The following PICALM variants were observed in gnomAD, a reference collection of about 807,000 sequenced individuals.
PICALM encodes phosphatidylinositol-binding clathrin assembly protein.
Under a neutral mutation model 80.5 loss-of-function variants are expected in PICALM, and 40 were observed. The observed-to-expected ratio is 0.50, with a 90% CI of 0.39 to 0.65. The LOEUF (loss-of-function observed/expected upper bound fraction) is 0.65. PICALM is among the 30% of genes least tolerant of loss of function. PICALM has a pLI of 0.00. For synonymous variants in PICALM, 288 were observed against 260.3 expected (o/e 1.11, Z -1.02); for missense variants, 676 against 778.9 (o/e 0.87, Z 1.57).
chr11:86,055,162 T>C (rs1206933452), intron 1 of PICALM, among the ~76,000 whole-genome samples: 1 of 151,772 alleles, frequency 6.6e-6, no homozygotes, highest in Non-Finnish European at 1.5e-5. Context: ...GAAACCCCCG[T>C]CTCTACTAAA....
intron 19 of PICALM, 56 bp from the exon 20 acceptor site, chr11:85,959,116 A>C: frequency 7.9e-7 from 1 of 1,262,888 alleles, no homozygotes; most frequent in Non-Finnish European, 1.1e-6. Context: ...TCTTCTCATA[A>C]ATAAAAATGC....
intron 19 of PICALM, among the ~76,000 whole-genome samples, chr11:85,969,200 C>T (rs908889046): frequency 3.3e-5 from 5 of 152,122 alleles, no homozygotes; most frequent in African/African-American, 1.2e-4. Flanking sequence ...ACACAACACA[C>T]TGGAATGTCT....
At chr11:86,012,705 T>C (rs945550397) in intron 5 of PICALM, among the ~76,000 whole-genome samples, 6 of 152,086 alleles carry the variant, frequency 3.9e-5, no homozygotes, top group African/African-American at 1.4e-4. Context: ...TAAGTTCTTT[T>C]TTAGCACATG....
chr11:85,960,611 G>A, intron 19 of PICALM: 1 of 653,412 alleles, frequency 1.5e-6, no homozygotes. Context: ...CGTGAATTGT[G>A]TTTAATGTTT....
upstream of PICALM, chr11:86,069,650 C>T (rs1322494432): frequency 6.6e-6 from 1 of 152,250 alleles, no homozygotes; most frequent in East Asian, 1.9e-4. Flanking sequence ...TTCCAAACGG[C>T]CTATTTTCTG....
intron 2 of PICALM, among the ~76,000 whole-genome samples, chr11:86,028,909 C>T (rs1014369008): frequency 4.6e-5 from 7 of 150,606 alleles, no homozygotes; most frequent in Non-Finnish European, 1.0e-4. Flanking sequence ...TGTCATCTCG[C>T]TCACTGCAAC....
At chr11:86,045,467 A>C (rs1249115368) in intron 1 of PICALM, among the ~76,000 whole-genome samples, 2 of 145,748 alleles carry the variant, frequency 1.4e-5, no homozygotes, top group Non-Finnish European at 3.0e-5. Context: ...ACAACTGTGA[A>C]TAGCCACTGA....
At position 85,989,513 on chromosome 11, in the gene PICALM, G is replaced by A. The variant is rs577520998; in HGVS notation, c.1408+737C>T. Among the ~76,000 whole-genome samples, 3 of 152,202 alleles carry A rather than the reference G, an allele frequency of 2.0e-5. No homozygotes were observed. The South Asian group carries it at 6.2e-4, about 32-fold the overall frequency. ...CAAAAGAAATTTCATCATCTTTGGG[G>A]CTGAGGGGGAGCAGAGTTAGCATCT... On this transcript the variant is annotated intron_variant, in intron 13 of 19. Coordinates refer to ENST00000393346, the MANE Select transcript of PICALM (RefSeq NM_007166.4).
intron 17 of PICALM, among the ~76,000 whole-genome samples, chr11:85,979,445 G>A (rs181774633): frequency 6.4e-4 from 97 of 150,846 alleles, no homozygotes; most frequent in African/African-American, 2.1e-3. Flanking sequence ...AGCTGAGGTC[G>A]CGCCACTGCA....
intron 6 of PICALM, among the ~76,000 whole-genome samples, chr11:86,011,844 C>G (rs1332683428): frequency 6.7e-6 from 1 of 148,996 alleles, no homozygotes; most frequent in Non-Finnish European, 1.5e-5. Flanking sequence ...AACTTACTAT[C>G]CTTTTTGTTT....
At chr11:86,006,423 A>G (rs1055357678) in intron 8 of PICALM, among the ~76,000 whole-genome samples, 2 of 152,132 alleles carry the variant, frequency 1.3e-5, no homozygotes, top group African/African-American at 2.4e-5. Flanking sequence ...CTAGGCGGGC[A>G]GATCACCTGA....
intron 1 of PICALM, among the ~76,000 whole-genome samples, chr11:86,049,063 C>A (rs771713713): frequency 6.6e-6 from 1 of 152,216 alleles, no homozygotes; most frequent in South Asian, 2.1e-4. Flanking sequence ...AAGACCAAGG[C>A]GGGTGGATCA....
chr11:86,043,653 G>A (rs1006484154), intron 1 of PICALM, among the ~76,000 whole-genome samples: 5 of 152,134 alleles, frequency 3.3e-5, no homozygotes, highest in Non-Finnish European at 7.3e-5. Context: ...TCATATGACA[G>A]CATAAATATT....
At chr11:85,973,318 T>A (rs1050472903) in intron 19 of PICALM, among the ~76,000 whole-genome samples, 5 of 152,190 alleles carry the variant, frequency 3.3e-5, no homozygotes, top group African/African-American at 1.2e-4. Flanking sequence ...TTCACTAGTC[T>A]ATGAAATACA....
chr11:86,004,852 T>C (rs1051877588), intron 8 of PICALM, among the ~76,000 whole-genome samples: 1 of 152,158 alleles, frequency 6.6e-6, no homozygotes, highest in Non-Finnish European at 1.5e-5. Flanking sequence ...TAAAACCAAA[T>C]ACTACATTGG....
At position 85,994,044 on chromosome 11, in the gene PICALM, T is replaced by C. The variant is rs534695604; in HGVS notation, c.1258+2782A>G. Among the ~76,000 whole-genome samples, 5 of 152,278 alleles carry C rather than the reference T, an allele frequency of 3.3e-5. No individual in the cohort carries two copies. The South Asian group carries it at 1.0e-3, about 32-fold the overall frequency. ...CAGATAATCAAATTTTTTCATCAAG[T>C]GTTTTGTGTTTCATGCCAGCTAAAA... On this transcript the variant is annotated intron_variant, in intron 12 of 19. Transcript: ENST00000393346.
At chr11:85,980,404 T>C (rs1247965787) in intron 17 of PICALM, among the ~76,000 whole-genome samples, 1 of 152,202 alleles carries the variant, frequency 6.6e-6, no homozygotes, top group Non-Finnish European at 1.5e-5. Flanking sequence ...ATAAATAGAA[T>C]ATACTAGAAT....
chr11:85,997,285 T>C (rs780818604), intron 11 of PICALM, among the ~76,000 whole-genome samples: 11 of 152,164 alleles, frequency 7.2e-5, no homozygotes, highest in Non-Finnish European at 1.2e-4. Flanking sequence ...ATAAAACTCT[T>C]TTCTTACTTT....
chr11:85,959,062 T>C lies in PICALM; in HGVS notation c.1945-2A>G, dbSNP rs1206083563. The C allele has an allele frequency of 1.9e-6, 3 of 1,580,728 alleles. No homozygotes were observed. The highest frequency in any genetic ancestry group is 2.6e-6 in the Non-Finnish European group (3 of 1,156,648). On this transcript the variant is annotated splice_acceptor_variant, in intron 19 of 19. Transcript: ENST00000393346. LOFTEE classifies it high-confidence loss of function. ...TCCATCAAGTTACATAAACTGTATCTGGAAAAAAAAAGTGGGTATGTTAAT... is the reference window on the plus strand; with the variant it reads ...TCCATCAAGTTACATAAACTGTATCCGGAAAAAAAAAGTGGGTATGTTAAT...
Sources: allele counts gnomAD v4.1 joint callset (sites outside exome capture counted in the v4.1 genomes callset), GRCh38; gene constraint gnomAD v4.1.1; transcripts MANE v1.5; gene names NCBI Gene and HGNC (gene_info 2026-07-23, HGNC 2026-07-21).